FBN3: variants seen among roughly 807,000 people sequenced by gnomAD.
FBN3 encodes fibrillin-3.
In FBN3, 234 loss-of-function variants were observed where a neutral mutation model predicts 330.1. The ratio of observed to expected loss-of-function variants is 0.71; its 90% CI spans 0.64 to 0.79. The LOEUF (loss-of-function observed/expected upper bound fraction) is 0.79. Ranked by LOEUF, FBN3 falls within the 30% of genes least tolerant of loss-of-function variation. The pLI is 0.00. For synonymous variants in FBN3, 1,458 were observed against 1,517.3 expected, an observed-to-expected ratio of 0.96 and a Z score of 0.91; for missense variants, 3,606 against 3,886.9, an observed-to-expected ratio of 0.93 and a Z score of 1.92.
chr19:8,073,161 C>T lies in FBN3; in HGVS notation c.7839G>A (p.Glu2613=). 6.2e-7 allele frequency: 1 copy of T among 1,613,876 alleles called. No homozygotes were observed. Among genetic ancestry groups the T allele is most frequent in the South Asian group, 1.1e-5 (1 of 91,072 alleles). ...QALGGCQEVD[E]CAGRRGPCSY... The stretch of plus-strand genomic sequence containing the variant: ...TACAGGGGCCACGCCGTCCGGCGCA[C>T]TCATCCACCTCCTGGCAGCCCCCGA... Residue 2613 remains glutamate, a synonymous_variant, in exon 62 of 64, where the codon GAG becomes GAA. Coordinates refer to ENST00000600128, the MANE Select transcript of FBN3 (RefSeq NM_032447.5).
At position 8,089,685 on chromosome 19, in the gene FBN3, C is replaced by T. The variant is rs141057337; in HGVS notation, c.6251-15G>A. 9.9e-5 allele frequency: 160 copies of T among 1,613,424 alleles called. 1 individual carries two copies. In the African/African-American group the frequency reaches 1.9e-3, roughly 19 times the overall value. ...CTCATTCACGTCTGCGGATGGCAGGCGTTGCAGACATGGCTTCTGTCACCA... is the reference window on the plus strand; with the variant it reads ...CTCATTCACGTCTGCGGATGGCAGGTGTTGCAGACATGGCTTCTGTCACCA... On this transcript the variant is annotated splice_polypyrimidine_tract_variant and intron_variant, in intron 50 of 63. Transcript: ENST00000600128.
intron 47 of FBN3, 45 bp downstream of exon 47, chr19:8,094,401 A>G (rs1212588090): frequency 6.4e-6 from 10 of 1,572,204 alleles, no homozygotes; most frequent in Non-Finnish European, 8.7e-6. Context: ...GGAGAAAGAG[A>G]GGCACTCCCT....
intron 31 of FBN3, 101 bp downstream of exon 31, chr19:8,111,876 G>A (rs1271578138): frequency 6.9e-7 from 1 of 1,439,820 alleles, no homozygotes; most frequent in African/African-American, 1.5e-5. Context: ...CCCCCCTGCA[G>A]ACACTCCCGG....
intron 18 of FBN3, 143 bp downstream of exon 18, chr19:8,128,885 A>C (rs2083057957): frequency 1.0e-6 from 1 of 989,698 alleles, no homozygotes. Context: ...GTGTGTGCAC[A>C]CTACATATAG....
chr19:8,112,548 G>A (rs1480440241), intron 30 of FBN3, among the ~76,000 whole-genome samples: 2 of 152,350 alleles, frequency 1.3e-5, no homozygotes, highest in Admixed American at 6.5e-5. Context: ...TACTCAGGAC[G>A]CTGAGGCAGG....
At chr19:8,145,621 C>A (rs1479593693) in intron 5 of FBN3, among the ~76,000 whole-genome samples, 1 of 143,030 alleles carries the variant, frequency 7.0e-6, no homozygotes, top group Non-Finnish European at 1.5e-5. Flanking sequence ...GCGGAGCTTG[C>A]AGTAAGCCGA....
Position 8,109,451 on chromosome 19 carries a change from A to C in FBN3, c.4457-63T>G. The C allele has an allele frequency of 6.3e-7, 1 of 1,586,544 alleles. No individual in the cohort carries two copies. On this transcript the variant is annotated intron_variant, in intron 35 of 63. Transcript: ENST00000600128. This position sits in a 1 kb window ranked among gnomAD's most constrained non-coding sequence, Gnocchi z 5.2. ...GGGAAAGCTGTATGTGTGCGTGTGC[A>C]TGCATGTGTCTATTTCAACAGGTGA...
intron 56 of FBN3, among the ~76,000 whole-genome samples, chr19:8,084,388 T>C (rs866532443): frequency 6.6e-6 from 1 of 151,578 alleles, no homozygotes; most frequent in East Asian, 2.0e-4. Flanking sequence ...GAACACACAC[T>C]GGGCCGGGCG....
chr19:8,069,033 T>C (rs896636007), intron 63 of FBN3, among the ~76,000 whole-genome samples: 6 of 152,078 alleles, frequency 3.9e-5, no homozygotes, highest in Non-Finnish European at 8.8e-5. Context: ...CAGAAATGTC[T>C]TGGGATGGCT....
intron 47 of FBN3, among the ~76,000 whole-genome samples, chr19:8,092,353 C>T (rs2082114976): frequency 6.6e-6 from 1 of 151,952 alleles, no homozygotes; most frequent in Non-Finnish European, 1.5e-5. Flanking sequence ...TTTATAAATG[C>T]CCATCAGCCA....
chr19:8,073,255 G>A lies in FBN3; in HGVS notation c.7745C>T (p.Ala2582Val), dbSNP rs73923958. 3.8e-4 allele frequency: 607 copies of A among 1,614,052 alleles called. 6 individuals are homozygous for A. In the African/African-American group the frequency reaches 5.3e-3, roughly 14 times the overall value. Residue 2582 changes from alanine (A) to valine (V), a missense_variant, in exon 62 of 64, where the codon GCC (alanine) becomes GTC (valine). Ala to Val is a moderately conservative substitution (Grantham distance 64). Coordinates refer to ENST00000600128, the MANE Select transcript of FBN3 (RefSeq NM_032447.5). Reference protein sequence around the residue: ...CALSPPTCGSASCRNTLGGFR... With the variant: ...CALSPPTCGSVSCRNTLGGFR... ...GCCACCAAGAGTGTTGCGACAGGAG[G>A]CGCTCCCGCAGGTGGGGGGCGACAG... is the stretch of plus-strand genomic sequence containing the variant.
At position 8,147,262 on chromosome 19, in the gene FBN3, G is replaced by T. The variant is rs957146789; in HGVS notation, c.167+52C>A. Reference sequence around the variant, plus strand: ...CCCCCGGGTATTCCGCTGGCCCCAGGACAGCCCAATCCACACCGAAGGGGT... The same window carrying T: ...CCCCCGGGTATTCCGCTGGCCCCAGTACAGCCCAATCCACACCGAAGGGGT... On this transcript the variant is annotated intron_variant, in intron 2 of 63. Coordinates refer to ENST00000600128, the MANE Select transcript of FBN3 (RefSeq NM_032447.5). 42 of 1,566,772 alleles carry T rather than the reference G, an allele frequency of 2.7e-5. No individual in the cohort carries two copies. The African/African-American group carries it at 5.4e-4, about 20-fold the overall frequency.
At chr19:8,118,819 C>T in intron 26 of FBN3, 78 bp downstream of exon 26, 1 of 1,542,474 alleles carries the variant, frequency 6.5e-7, no homozygotes, top group East Asian at 2.3e-5. Flanking sequence ...ACTCATCCAG[C>T]CCACATTCAC....
rs76063138 is a variant in FBN3 at position 8,080,253 on chromosome 19, G to A, written c.7453+750C>T. The stretch of plus-strand genomic sequence containing the variant: ...GTGCTGTCTGGGCAGATTAGTGGGC[G>A]CGTGAAAGGGGCCACCCTTGACTAG... On this transcript the variant is annotated intron_variant, in intron 59 of 63. Coordinates refer to ENST00000600128, the MANE Select transcript of FBN3 (RefSeq NM_032447.5). Among the ~76,000 whole-genome samples, 892 of 152,362 alleles carry A rather than the reference G, an allele frequency of 5.9e-3. 10 individuals are homozygous for A. Among genetic ancestry groups the A allele is most frequent in the African/African-American group, 0.021 (858 of 41,592 alleles).
rs984260059 is a variant in FBN3 at position 8,132,984 on chromosome 19, C to G, written c.1714G>C (p.Asp572His). The G allele has an allele frequency of 8.4e-6, 13 of 1,555,160 alleles. No homozygotes were observed. The South Asian group carries it at 1.3e-4, about 16-fold the overall frequency. ...CTGGCCAGTCTGGCTCCAGGCTCAC[C>G]CATGCAGTAGTGGCCGCCAGGCGCC... ...LLAPGGHYCM[D>H]IDECQTPGIC... Residue 572 changes from aspartate to histidine, a missense_variant and splice_region_variant, in exon 14 of 64, where the codon GAC (aspartate) becomes CAC (histidine). Asp to His is a moderately conservative substitution (Grantham distance 81). Transcript: ENST00000600128.
intron 27 of FBN3, 34 bp downstream of exon 27, chr19:8,117,430 G>A (rs1457139743): frequency 6.4e-7 from 1 of 1,557,604 alleles, no homozygotes; most frequent in Non-Finnish European, 8.7e-7. Flanking sequence ...ACTGTGGTTG[G>A]TGCCCAGGGG....
At chr19:8,097,484 C>T (rs1356280874) in intron 41 of FBN3, 70 bp from the exon 42 acceptor site, 3 of 1,496,166 alleles carry the variant, frequency 2.0e-6, no homozygotes, top group Non-Finnish European at 2.7e-6. Context: ...AGCGAAGGGA[C>T]CCACTAGCCC....
At chr19:8,083,516 G>A (rs933104765) in intron 56 of FBN3, 144 bp from the exon 57 acceptor site, 6 of 937,910 alleles carry the variant, frequency 6.4e-6, no homozygotes, top group African/African-American at 1.6e-5. Flanking sequence ...CCCAGCCCAC[G>A]TGGACCCCAT....
intron 47 of FBN3, among the ~76,000 whole-genome samples, chr19:8,093,529 A>C (rs1052586204): frequency 2.0e-5 from 3 of 152,210 alleles, no homozygotes; most frequent in Admixed American, 1.3e-4. Context: ...AGGTTGAGGC[A>C]GGAGAATGGC....
Sources: gnomAD v4.1 joint callset for allele counts (sites outside exome capture counted in the v4.1 genomes callset) on GRCh38, gnomAD v4.1.1 for gene constraint, Gnocchi (gnomAD v3.1) non-coding constraint, MANE v1.5 for transcripts, NCBI Gene and HGNC (gene_info 2026-07-23, HGNC 2026-07-21) for gene names.